Variants in CTNNA1 observed in about 807,000 individuals in gnomAD.
The protein encoded by CTNNA1 is catenin alpha-1.
Under a neutral mutation model 98.4 loss-of-function variants are expected in CTNNA1, and 37 were observed. The ratio of observed to expected loss-of-function variants is 0.38; its 90% CI spans 0.29 to 0.49. CTNNA1 has a LOEUF of 0.49. Ranked by LOEUF, CTNNA1 falls within the 20% of genes least tolerant of loss-of-function variation. The probability of loss-of-function intolerance (pLI) is 0.95; values close to 1 mark genes in which losing one functional copy is unlikely to be tolerated. For synonymous variants in CTNNA1, 404 were observed against 413.2 expected, an observed-to-expected ratio of 0.98 and a Z score of 0.27; for missense variants, 761 against 1,147.2, an observed-to-expected ratio of 0.66 and a Z score of 4.86.
chr5:138,824,526 G>C lies in CTNNA1; in HGVS notation c.589-4G>C. ...CCAATTTCTTGTTTTATTTACTCTTGTAGGAATTGAAAGATGTTGGCCATC... is the reference window on the plus strand; with the variant it reads ...CCAATTTCTTGTTTTATTTACTCTTCTAGGAATTGAAAGATGTTGGCCATC... On this transcript the variant is annotated splice_polypyrimidine_tract_variant and splice_region_variant and intron_variant, in intron 5 of 17. Transcript: ENST00000302763. 1 of 1,612,494 alleles carries C rather than the reference G, an allele frequency of 6.2e-7. No individual in the cohort carries two copies. The highest frequency in any genetic ancestry group is 8.5e-7 in the Non-Finnish European group (1 of 1,178,668).
chr5:138,834,776 G>A (rs1402061806), intron 7 of CTNNA1, among the ~76,000 whole-genome samples: 1 of 152,156 alleles, frequency 6.6e-6, no homozygotes, highest in Non-Finnish European at 1.5e-5. Flanking sequence ...TGAAGTGAGT[G>A]GAATGTCACT....
chr5:138,803,180 T>A (rs1757749405), intron 3 of CTNNA1, among the ~76,000 whole-genome samples: 1 of 150,766 alleles, frequency 6.6e-6, no homozygotes, highest in South Asian at 2.1e-4. Flanking sequence ...TTTTGGGAGA[T>A]GGGGTCTGTC....
At chr5:138,932,434 T>C in intron 16 of CTNNA1, 144 bp from the exon 17 acceptor site, 1 of 1,456,986 alleles carries the variant, frequency 6.9e-7, no homozygotes, top group Non-Finnish European at 9.1e-7. Flanking sequence ...GGGCTGTGAC[T>C]GCCTCAGGTA....
At chr5:138,877,641 G>T (rs1751935069) in intron 7 of CTNNA1, among the ~76,000 whole-genome samples, 1 of 151,956 alleles carries the variant, frequency 6.6e-6, no homozygotes, top group Non-Finnish European at 1.5e-5. Context: ...TAGAGACGGG[G>T]TTTCACCTTG....
Position 138,827,540 on chromosome 5 carries a change from G to C in CTNNA1, c.884G>C (p.Ser295Thr). The change falls in exon 7 of 18, where the codon AGC becomes ACC. Residue 295 changes from serine (S) to threonine (T), a missense_variant. Transcript: ENST00000302763. ...FDKQIIVDPL[S>T]FSEERFRPSL... is the part of the protein sequence containing the mutation. ...AAACAAATCATTGTGGACCCCTTGA[G>C]CTTCAGCGAGGAGCGCTTTAGGCCT... is the stretch of plus-strand genomic sequence containing the variant. 1.2e-6 allele frequency: 2 copies of C among 1,614,254 alleles called. No individual in the cohort carries two copies. The highest frequency in any genetic ancestry group is 1.7e-6 in the Non-Finnish European group (2 of 1,180,054).
chr5:138,758,671 G>A (rs1458330954), intron 1 of CTNNA1, among the ~76,000 whole-genome samples: 3 of 152,206 alleles, frequency 2.0e-5, no homozygotes, highest in South Asian at 4.1e-4. Context: ...CACCACACCC[G>A]GCTGATATTT....
In CTNNA1 at chr5:138,873,428, G is replaced by A. The variant is rs770344936; in HGVS notation, c.1063-12784G>A. 1 of 1,613,852 alleles carries A rather than the reference G, an allele frequency of 6.2e-7. No homozygotes were observed. Among genetic ancestry groups the A allele is most frequent in the East Asian group, 2.2e-5 (1 of 44,896 alleles). On this transcript the variant is annotated intron_variant, in intron 7 of 17. Coordinates refer to ENST00000302763, the MANE Select transcript of CTNNA1 (RefSeq NM_001903.5). This position sits in a 1 kb window ranked among gnomAD's most constrained non-coding sequence, Gnocchi z 6.1. ...GCTTATTCTTTTTGTATATTCAGTGGTTGGATCTCTATAAGTTGTAGCCAT... is the reference window on the plus strand; with the variant it reads ...GCTTATTCTTTTTGTATATTCAGTGATTGGATCTCTATAAGTTGTAGCCAT...
rs535810090 is a variant in CTNNA1, at chr5:138,796,473, G to A, written c.301+13101G>A. ...GCAGGAGAATGGCGTGAACCCGGGA[G>A]GTGGAGCTTGCAGTGAGCCTAGATC... On this transcript the variant is annotated intron_variant, in intron 3 of 17. Transcript: ENST00000302763. Among the ~76,000 whole-genome samples the A allele has an allele frequency of 1.3e-3, 197 of 152,066 alleles. 1 individual carries two copies. The highest frequency in any genetic ancestry group is 4.6e-3 in the African/African-American group (192 of 41,460).
At chr5:138,826,011 G>T (rs1257887932) in intron 6 of CTNNA1, among the ~76,000 whole-genome samples, 2 of 152,100 alleles carry the variant, frequency 1.3e-5, no homozygotes, top group Non-Finnish European at 2.9e-5. Flanking sequence ...TGTAAAATGA[G>T]GGTTTGTGCT....
At chr5:138,779,879 C>A (rs189391230) in intron 1 of CTNNA1, among the ~76,000 whole-genome samples, 18 of 152,000 alleles carry the variant, frequency 1.2e-4, no homozygotes, top group Admixed American at 6.5e-5. Flanking sequence ...CCACACTGGA[C>A]TAATTTTTGT....
intron 7 of CTNNA1, among the ~76,000 whole-genome samples, chr5:138,867,267 G>A (rs2149903018): frequency 6.6e-6 from 1 of 152,282 alleles, no homozygotes; most frequent in Middle Eastern, 3.4e-3. Context: ...AGTTCTCTTA[G>A]TCTCTCTGAT....
chr5:138,837,185 A>C (rs148632838), intron 7 of CTNNA1, among the ~76,000 whole-genome samples: 1 of 152,202 alleles, frequency 6.6e-6, no homozygotes, highest in Non-Finnish European at 1.5e-5. Context: ...GTGAGACTCA[A>C]TTATCTCTCT....
At chr5:138,762,805 G>A (rs903751518) in intron 1 of CTNNA1, among the ~76,000 whole-genome samples, 7 of 151,518 alleles carry the variant, frequency 4.6e-5, no homozygotes, top group Non-Finnish European at 8.8e-5. Flanking sequence ...TTTTTTTCAT[G>A]TTCCCATTTT....
chr5:138,782,332 G>A, intron 2 of CTNNA1: 2 of 491,982 alleles, frequency 4.1e-6, no homozygotes, highest in Non-Finnish European at 4.0e-6. Flanking sequence ...GAAAGGTGGA[G>A]TCTGGATCCT....
rs776317664 is a variant in CTNNA1, at chr5:138,934,060, A to G, written c.2692A>G (p.Ser898Gly). 8 of 1,613,280 alleles carry G rather than the reference A, an allele frequency of 5.0e-6. No individual in the cohort carries two copies. In the South Asian group the frequency reaches 7.7e-5, roughly 15 times the overall value. The change falls in exon 18 of 18, where the codon AGC (serine) becomes GGC (glycine). Residue 898 changes from serine (S) to glycine (G), a missense_variant. Around this residue, in one of 6 missense-constraint regions of CTNNA1, gnomAD observed 57 missense variants for 90.9 expected, o/e 0.63. Coordinates refer to ENST00000302763, the MANE Select transcript of CTNNA1 (RefSeq NM_001903.5). ...GCACGTGAACCCGGTGCAGGCCCTC[A>G]GCGAGTTCAAAGCTATGGACAGCAT... Reference protein sequence around the residue: ...KKHVNPVQALSEFKAMDSI With the variant: ...KKHVNPVQALGEFKAMDSI
chr5:138,893,415 GC>G (rs1271160255), intron 9 of CTNNA1, among the ~76,000 whole-genome samples: 2 of 151,924 alleles, frequency 1.3e-5, no homozygotes, highest in African/African-American at 4.8e-5. Context: ...CTTATGTATG[GC>G]TTTGAAACTC....
At chr5:138,882,671 G>A (rs1284744697) in intron 7 of CTNNA1, among the ~76,000 whole-genome samples, 3 of 152,150 alleles carry the variant, frequency 2.0e-5, no homozygotes, top group Non-Finnish European at 4.4e-5. Flanking sequence ...ACTGGCAAGG[G>A]TTGGAGTAAA....
intron 10 of CTNNA1, among the ~76,000 whole-genome samples, chr5:138,913,610 G>A (rs1162252010): frequency 1.3e-5 from 2 of 151,028 alleles, no homozygotes; most frequent in Non-Finnish European, 2.9e-5. Context: ...TTCAGTTGAT[G>A]TACTTCAATT....
rs1268137141 is a variant in CTNNA1 at position 138,812,226 on chromosome 5, A to G, written c.512A>G (p.Gln171Arg). ...AAGTTGAGGAATGCTGGCAATGAAC[A>G]AGACTTAGGAATCCAGTATAAAGCC... ...ILKLRNAGNE[Q>R]DLGIQYKALK... Residue 171 changes from glutamine (Q) to arginine (R), a missense_variant, in exon 5 of 18, where the codon CAA becomes CGA. Gln to Arg is a conservative substitution (Grantham distance 43). Transcript: ENST00000302763. 2 of 1,613,896 alleles carry G rather than the reference A, an allele frequency of 1.2e-6. No individual in the cohort carries two copies. Among genetic ancestry groups the G allele is most frequent in the Non-Finnish European group, 1.7e-6 (2 of 1,179,852 alleles).
Sources: allele counts gnomAD v4.1 joint callset (sites outside exome capture counted in the v4.1 genomes callset), GRCh38; gene constraint gnomAD v4.1.1; regional missense constraint gnomAD v4.1.1; non-coding constraint Gnocchi (gnomAD v3.1); transcripts MANE v1.5; gene names NCBI Gene and HGNC (gene_info 2026-07-23, HGNC 2026-07-21).